Variants in ZNF488 observed in about 807,000 individuals in gnomAD.
ZNF488 encodes the protein zinc finger protein 488.
A neutral mutation model predicts 1.2 loss-of-function variants in ZNF488; 1 was observed. That is an observed-to-expected ratio of 0.86 (90% CI 0.30 to 4.07). The LOEUF is 4.07. Ranked by LOEUF, ZNF488 falls within the 30% of genes most tolerant of loss-of-function variation. The pLI is 0.18. For missense variants in ZNF488, 450 were observed against 437.9 expected, an observed-to-expected ratio of 1.03 and a Z score of -0.25; for synonymous variants, 185 against 190.1, an observed-to-expected ratio of 0.97 and a Z score of 0.22.
intron 1 of ZNF488, among the ~76,000 whole-genome samples, chr10:47,375,557 G>A (rs1373896003): frequency 2.6e-5 from 4 of 152,184 alleles, no homozygotes; most frequent in East Asian, 3.8e-4. Flanking sequence ...TTGTCTTGTC[G>A]ATAGCTGTTA....
intron 1 of ZNF488, among the ~76,000 whole-genome samples, chr10:47,373,362 TATTAATA>T (rs1555214067): frequency 6.6e-6 from 1 of 152,182 alleles, no homozygotes; most frequent in South Asian, 2.1e-4. Context: ...AGCTTCAGAC[TATTAATA>T]ATACACAGGA....
chr10:47,383,928 AAAAG>A (rs1565791660), intron 1 of ZNF488, among the ~76,000 whole-genome samples: 3 of 152,094 alleles, frequency 2.0e-5, no homozygotes, highest in Non-Finnish European at 4.4e-5. Flanking sequence ...CAAAGAGAGG[AAAAG>A]AGAGAGGGAG....
chr10:47,367,872 G>C lies in ZNF488; in HGVS notation c.958C>G (p.Pro320Ala). 3.1e-6 allele frequency: 5 copies of C among 1,613,890 alleles called. No individual in the cohort carries two copies. Among genetic ancestry groups the C allele is most frequent in the Non-Finnish European group, 4.2e-6 (5 of 1,180,022 alleles). Reference sequence around the variant, plus strand: ...TCCCGGAAGTGCTCCTGGCACACAGGGCAGGCAAGGGCCTCTTCTCTCCGC... The same window carrying C: ...TCCCGGAAGTGCTCCTGGCACACAGCGCAGGCAAGGGCCTCTTCTCTCCGC... ...QKRREEALACPVCQEHFRERH... is the reference protein window; with the variant it reads ...QKRREEALACAVCQEHFRERH... The change falls in exon 2 of 2, where the codon CCT becomes GCT. Residue 320 changes from proline to alanine, a missense_variant. Coordinates refer to ENST00000585316, the MANE Select transcript of ZNF488 (RefSeq NM_153034.4).
At chr10:47,382,178 A>G (rs1022072734) in intron 1 of ZNF488, among the ~76,000 whole-genome samples, 11 of 151,942 alleles carry the variant, frequency 7.2e-5, no homozygotes, top group African/African-American at 2.7e-4. Flanking sequence ...GGCTCTGTGC[A>G]TGCCAGATAG....
At chr10:47,380,184 CTGTCATTG>C (rs1555215052) in intron 1 of ZNF488, among the ~76,000 whole-genome samples, 1 of 152,290 alleles carries the variant, frequency 6.6e-6, no homozygotes, top group African/African-American at 2.4e-5. Flanking sequence ...CCTCGTCACT[CTGTCATTG>C]TGAGTGTCCT....
chr10:47,376,601 C>T (rs1003926434), intron 1 of ZNF488, among the ~76,000 whole-genome samples: 6 of 152,162 alleles, frequency 3.9e-5, no homozygotes, highest in African/African-American at 1.4e-4. Flanking sequence ...GTACTCCCAC[C>T]GTGCAAAGTC....
At chr10:47,371,054 T>C (rs552878126) in intron 1 of ZNF488, among the ~76,000 whole-genome samples, 3 of 152,282 alleles carry the variant, frequency 2.0e-5, no homozygotes, top group South Asian at 2.1e-4. Flanking sequence ...CAGGCAATGG[T>C]GGCATCTAAA....
In ZNF488 at chr10:47,367,756, CT is replaced by C. The variant is rs1837270253; in HGVS notation, c.*50del. 1 of 1,556,042 alleles carries C rather than the reference CT, an allele frequency of 6.4e-7. No individual in the cohort carries two copies. Among genetic ancestry groups the C allele is most frequent in the Non-Finnish European group, 8.7e-7 (1 of 1,152,610 alleles). On this transcript the variant is annotated 3_prime_UTR_variant, in exon 2 of 2. Transcript: ENST00000585316. ...CTCAACGCAGGCCCAGGGAGCCCCC[CT>C]CTGCCAAAGGCTGGCTGCTGCACCC...
At chr10:47,380,540 G>GTGC (rs1289793035) in intron 1 of ZNF488, among the ~76,000 whole-genome samples, 83 of 152,348 alleles carry the variant, frequency 5.4e-4, no homozygotes, top group African/African-American at 1.9e-3. Context: ...AACTCAGCAA[G>GTGC]TGCTGCATCC....
At chr10:47,378,236 A>G (rs1408403550) in intron 1 of ZNF488, among the ~76,000 whole-genome samples, 2 of 152,212 alleles carry the variant, frequency 1.3e-5, no homozygotes, top group Non-Finnish European at 2.9e-5. Context: ...ACCAGCTTTC[A>G]GCCTCACCCT....
At position 47,366,367 on chromosome 10, in the gene ZNF488, G is replaced by T. The variant is rs1408371862; in HGVS notation, c.*1440C>A. ...GGGAGCGAGGACATCAGAGCAGCCA[G>T]GTGGGAGTGCTGCTGCCTGGAACGG... On this transcript the variant is annotated 3_prime_UTR_variant, in exon 2 of 2. Coordinates refer to ENST00000585316, the MANE Select transcript of ZNF488 (RefSeq NM_153034.4). 2 of 167,430 alleles carry T rather than the reference G, an allele frequency of 1.2e-5. No homozygotes were observed. Among genetic ancestry groups the T allele is most frequent in the African/African-American group, 4.8e-5 (2 of 41,460 alleles). The allele number at this position is 167,430 out of a possible 1,614,324, so 10.4% of individuals were successfully genotyped here.
chr10:47,381,169 C>T (rs565268338), intron 1 of ZNF488, among the ~76,000 whole-genome samples: 6 of 152,414 alleles, frequency 3.9e-5, no homozygotes, highest in African/African-American at 1.4e-4. Flanking sequence ...AGCCAACTGG[C>T]CAGCCTCAAG....
At chr10:47,381,518 C>G (rs187595206) in intron 1 of ZNF488, among the ~76,000 whole-genome samples, 3 of 152,418 alleles carry the variant, frequency 2.0e-5, no homozygotes, top group African/African-American at 7.2e-5. Context: ...GTGATCCAGG[C>G]TTTCCCAGAG....
In ZNF488 at chr10:47,367,889, T is replaced by A. The variant is rs782716250; in HGVS notation, c.941A>T (p.Glu314Val). 10 of 1,613,892 alleles carry A rather than the reference T, an allele frequency of 6.2e-6. No homozygotes were observed. The East Asian group carries it at 1.8e-4, about 29-fold the overall frequency. The part of the protein sequence containing the change: ...GPDPHSQKRR[E>V]EALACPVCQE... ...GCACACAGGGCAGGCAAGGGCCTCT[T>A]CTCTCCGCTTCTGAGAATGTGGGTC... Residue 314 changes from glutamate (E) to valine (V), a missense_variant, in exon 2 of 2, where the codon GAA becomes GTA. Physicochemically the swap from Glu to Val is moderately radical, Grantham distance 121. Coordinates refer to ENST00000585316, the MANE Select transcript of ZNF488 (RefSeq NM_153034.4).
At chr10:47,378,894 AG>A (rs1263096604) in intron 1 of ZNF488, among the ~76,000 whole-genome samples, 1 of 152,090 alleles carries the variant, frequency 6.6e-6, no homozygotes, top group African/African-American at 2.4e-5. Context: ...GATTCCTCAG[AG>A]GGGGTGCCTG....
At chr10:47,370,158 C>T (rs1428700750) in intron 1 of ZNF488, among the ~76,000 whole-genome samples, 1 of 152,268 alleles carries the variant, frequency 6.6e-6, no homozygotes, top group Non-Finnish European at 1.5e-5. Context: ...GAGCCTACTG[C>T]AGCCTGCCTC....
chr10:47,368,897 C>A lies in ZNF488; in HGVS notation c.-68G>T. ...AGCAAGGAGCCATGAGATATGGAAGCTCCCCATGACACTGGGCTGGACACA... is the reference window on the plus strand; with the variant it reads ...AGCAAGGAGCCATGAGATATGGAAGATCCCCATGACACTGGGCTGGACACA... On this transcript the variant is annotated 5_prime_UTR_variant, in exon 2 of 2. Transcript: ENST00000585316. 6.6e-7 allele frequency: 1 copy of A among 1,513,894 alleles called. No individual in the cohort carries two copies. Among genetic ancestry groups the A allele is most frequent in the Non-Finnish European group, 8.8e-7 (1 of 1,131,594 alleles). 93.8% of individuals were successfully genotyped at this position (1,513,894 alleles called of 1,614,324 possible).
chr10:47,382,566 C>A (rs554712098), intron 1 of ZNF488, among the ~76,000 whole-genome samples: 1 of 152,218 alleles, frequency 6.6e-6, no homozygotes, highest in Admixed American at 6.5e-5. Flanking sequence ...TTTATCCCTC[C>A]CCCCAGAATC....
chr10:47,384,031 C>T (rs1033861817), intron 1 of ZNF488, among the ~76,000 whole-genome samples, 189 bp downstream of exon 1: 2 of 152,048 alleles, frequency 1.3e-5, no homozygotes, highest in Non-Finnish European at 2.9e-5. Context: ...GGAACAGAAA[C>T]GGGGATGGGA....
Sources: gnomAD v4.1 joint callset for allele counts (sites outside exome capture counted in the v4.1 genomes callset) on GRCh38, gnomAD v4.1.1 for gene constraint, MANE v1.5 for transcripts, NCBI Gene and HGNC (gene_info 2026-07-23, HGNC 2026-07-21) for gene names.